LHFPL3: variants seen among roughly 807,000 people sequenced by gnomAD.
LHFPL3 encodes the protein LHFPL tetraspan subfamily member 3.
Under a neutral mutation model 19.3 loss-of-function variants are expected in LHFPL3, and 5 were observed. That is an observed-to-expected ratio of 0.26 (90% confidence interval 0.14 to 0.54). The LOEUF (loss-of-function observed/expected upper bound fraction) is 0.54. LHFPL3 is among the 20% of genes least tolerant of loss of function. The pLI is 0.94. For synonymous variants in LHFPL3, 133 were observed against 126.2 expected, an observed-to-expected ratio of 1.05 and a Z score of -0.36; for missense variants, 249 against 307.4, an observed-to-expected ratio of 0.81 and a Z score of 1.42.
chr7:104,766,509 A>G (rs966869358), intron 2 of LHFPL3, among the ~76,000 whole-genome samples: 1 of 152,154 alleles, frequency 6.6e-6, no homozygotes, highest in African/African-American at 2.4e-5. Context: ...GGAAAACTAT[A>G]ATTGGCCCTC....
At chr7:104,626,918 G>C (rs2385247) in intron 1 of LHFPL3, among the ~76,000 whole-genome samples, 1 of 152,158 alleles carries the variant, frequency 6.6e-6, no homozygotes, top group Admixed American at 6.5e-5. Flanking sequence ...GATATATATA[G>C]ACCTTGTGGA....
intron 1 of LHFPL3, among the ~76,000 whole-genome samples, chr7:104,431,502 T>A (rs1301111733): frequency 6.6e-6 from 1 of 152,340 alleles, no homozygotes; most frequent in African/African-American, 2.4e-5. Context: ...AGTACACTTT[T>A]CTCACTTATT....
intron 1 of LHFPL3, among the ~76,000 whole-genome samples, chr7:104,440,207 T>C (rs1466319214): frequency 6.6e-6 from 1 of 151,380 alleles, no homozygotes; most frequent in African/African-American, 2.4e-5. Context: ...GCCATACACA[T>C]GTACACCATG....
At chr7:104,461,697 A>G (rs1160145837) in intron 1 of LHFPL3, among the ~76,000 whole-genome samples, 2 of 152,158 alleles carry the variant, frequency 1.3e-5, no homozygotes, top group East Asian at 3.9e-4. Context: ...GAAGTCAGGT[A>G]ACATGATGCT....
chr7:104,768,749 C>G (rs1434690139), intron 2 of LHFPL3: 1 of 152,236 alleles, frequency 6.6e-6, no homozygotes, highest in East Asian at 1.9e-4. Flanking sequence ...TTTGTTGCCA[C>G]CTTCCATCGG....
Position 104,563,551 on chromosome 7 carries a change from T to C in LHFPL3, c.446-173124T>C, listed in dbSNP as rs578001466. 1.3e-3 allele frequency among the ~76,000 whole-genome samples: 198 copies of C among 152,320 alleles called. 1 individual carries two copies. Among genetic ancestry groups the C allele is most frequent in the African/African-American group, 4.5e-3 (187 of 41,572 alleles). ...TCGCCCTGCTTCGGCTCGCGCACGGTGCACGCACCCACTGACCTGCGCCCA... is the reference window on the plus strand; with the variant it reads ...TCGCCCTGCTTCGGCTCGCGCACGGCGCACGCACCCACTGACCTGCGCCCA... On this transcript the variant is annotated intron_variant, in intron 1 of 2. Coordinates refer to ENST00000424859, the MANE Select transcript of LHFPL3 (RefSeq NM_199000.3).
At chr7:104,686,739 G>A (rs532896016) in intron 1 of LHFPL3, among the ~76,000 whole-genome samples, 2 of 152,264 alleles carry the variant, frequency 1.3e-5, no homozygotes, top group Admixed American at 1.3e-4. Context: ...TTATTTTCAC[G>A]CTGCTATGAA....
chr7:104,619,052 G>A (rs1278077521), intron 1 of LHFPL3, among the ~76,000 whole-genome samples: 1 of 152,148 alleles, frequency 6.6e-6, no homozygotes, highest in African/African-American at 2.4e-5. Context: ...TTTCTCTTGG[G>A]GTTTCATGAG....
chr7:104,674,801 T>C (rs559168148), intron 1 of LHFPL3, among the ~76,000 whole-genome samples: 20 of 152,218 alleles, frequency 1.3e-4, no homozygotes, highest in Admixed American at 2.6e-4. Context: ...CAAACCAAAA[T>C]TAGAAGAAAA....
At chr7:104,384,402 C>T (rs1014917704) in intron 1 of LHFPL3, among the ~76,000 whole-genome samples, 5 of 152,012 alleles carry the variant, frequency 3.3e-5, no homozygotes, top group South Asian at 4.2e-4. Context: ...GAAATGGCAG[C>T]AAAACCAAGA....
chr7:104,753,628 T>C lies in LHFPL3; in HGVS notation c.682+16717T>C, dbSNP rs370483301. ...GACAGCAAACACAAAGACCAGATGA[T>C]AGATTGGGAGAAGCTATTTGGAATG... On this transcript the variant is annotated intron_variant, in intron 2 of 2. Transcript: ENST00000424859. Among the ~76,000 whole-genome samples the C allele has an allele frequency of 2.6e-4, 39 of 152,034 alleles. No homozygotes were observed. The East Asian group carries it at 6.0e-3, about 23-fold the overall frequency.
intron 2 of LHFPL3, among the ~76,000 whole-genome samples, chr7:104,774,677 G>A (rs1794612377): frequency 6.6e-6 from 1 of 152,180 alleles, no homozygotes; most frequent in African/African-American, 2.4e-5. Flanking sequence ...TAGAAAAAGA[G>A]TACTTTGATG....
intron 2 of LHFPL3, among the ~76,000 whole-genome samples, chr7:104,764,364 T>C (rs1418891074): frequency 2.0e-5 from 3 of 152,042 alleles, no homozygotes; most frequent in Non-Finnish European, 4.4e-5. Context: ...AGAGATGGGG[T>C]TTTGCTATGT....
intron 1 of LHFPL3, among the ~76,000 whole-genome samples, chr7:104,365,342 G>C (rs566441712): frequency 6.6e-6 from 1 of 151,854 alleles, no homozygotes; most frequent in Non-Finnish European, 1.5e-5. Context: ...AGGTGGGAGC[G>C]AGTGGTAAAA....
rs180783832 is a variant in LHFPL3 at position 104,873,836 on chromosome 7, C to A, written c.683-32351C>A. 1.5e-3 allele frequency among the ~76,000 whole-genome samples: 236 copies of A among 152,314 alleles called. 1 individual carries two copies. Among genetic ancestry groups the A allele is most frequent in the African/African-American group, 5.4e-3 (226 of 41,556 alleles). ...AAATCTCAGAGTGCGAGGCAAGGCT[C>A]CTGACAAGACTGTTATCTGCACCCA... On this transcript the variant is annotated intron_variant, in intron 2 of 2. Coordinates refer to ENST00000424859, the MANE Select transcript of LHFPL3 (RefSeq NM_199000.3).
intron 1 of LHFPL3, among the ~76,000 whole-genome samples, chr7:104,424,083 C>T (rs541862752): frequency 1.4e-4 from 22 of 152,162 alleles, no homozygotes; most frequent in Middle Eastern, 3.4e-3. Context: ...CTAGTGCTTT[C>T]GAAAGAAATT....
intron 1 of LHFPL3, among the ~76,000 whole-genome samples, chr7:104,608,984 C>T (rs568475253): frequency 1.3e-5 from 2 of 152,196 alleles, no homozygotes; most frequent in South Asian, 2.1e-4. Context: ...ATGTTAGCCA[C>T]GGCCAGGCAT....
intron 1 of LHFPL3, among the ~76,000 whole-genome samples, chr7:104,371,971 A>G (rs747897333): frequency 1.3e-5 from 2 of 152,218 alleles, no homozygotes; most frequent in Non-Finnish European, 2.9e-5. Flanking sequence ...ACATTTTTTG[A>G]TGGATGGATT....
At chr7:104,836,734 C>T (rs1343089999) in intron 2 of LHFPL3, among the ~76,000 whole-genome samples, 4 of 152,158 alleles carry the variant, frequency 2.6e-5, no homozygotes, top group Non-Finnish European at 5.9e-5. Context: ...GAAGGATTTA[C>T]CCCTGCTGAG....
Sources: gnomAD v4.1 joint callset for allele counts (sites outside exome capture counted in the v4.1 genomes callset) on GRCh38, gnomAD v4.1.1 for gene constraint, MANE v1.5 for transcripts, NCBI Gene and HGNC (gene_info 2026-07-23, HGNC 2026-07-21) for gene names.